DLGAP2: variants seen among roughly 807,000 people sequenced by gnomAD.
DLGAP2 encodes the protein disks large-associated protein 2.
In DLGAP2, 26 loss-of-function variants were observed where a neutral mutation model predicts 100.3. The observed-to-expected ratio is 0.26, with a 90% CI of 0.19 to 0.36. The LOEUF (loss-of-function observed/expected upper bound fraction) is 0.36, where lower values mean the gene tolerates loss of function less well. Ranked by LOEUF, DLGAP2 falls within the 10% of genes least tolerant of loss-of-function variation. The probability of loss-of-function intolerance (pLI) is 1.00; values close to 1 mark genes in which losing one functional copy is unlikely to be tolerated. For synonymous variants in DLGAP2, 886 were observed against 630.1 expected (o/e 1.41, Z -6.08); for missense variants, 1,858 against 1,453.2 (o/e 1.28, Z -4.53).
intron 3 of DLGAP2, among the ~76,000 whole-genome samples, chr8:1,449,238 C>G (rs751873657): frequency 6.6e-6 from 1 of 152,212 alleles, no homozygotes; most frequent in Non-Finnish European, 1.5e-5. Context: ...GGTTTTTACA[C>G]GTACCAATGA....
In DLGAP2 at chr8:1,316,739, G is replaced by A. The variant is rs542952403; in HGVS notation, c.106+57856G>A. Among the ~76,000 whole-genome samples, 101 of 132,946 alleles carry A rather than the reference G, an allele frequency of 7.6e-4. 3 individuals carry two copies. In the South Asian group the frequency reaches 0.025, roughly 33 times the overall value. 87.2% of individuals were successfully genotyped at this position (132,946 alleles called of 152,430 possible). A position where few individuals can be genotyped will look rare whatever the true frequency, so the allele number is the denominator to read the frequency against. On this transcript the variant is annotated intron_variant, in intron 3 of 14. Transcript: ENST00000637795. Reference sequence around the variant, plus strand: ...TAGTGGTCTACACTCGAGAAACTCGGCAGCTTTAAAAATAGAGCGTGTGCG... The same window carrying A: ...TAGTGGTCTACACTCGAGAAACTCGACAGCTTTAAAAATAGAGCGTGTGCG...
intron 1 of DLGAP2, among the ~76,000 whole-genome samples, chr8:772,881 T>C (rs1821402832): frequency 6.6e-6 from 1 of 152,160 alleles, no homozygotes; most frequent in Non-Finnish European, 1.5e-5. Flanking sequence ...TAGGCAGAGC[T>C]TCCTAATTCC....
intron 3 of DLGAP2, among the ~76,000 whole-genome samples, chr8:1,500,562 G>T (rs114048219): frequency 0.015 from 2,228 of 152,350 alleles, 25 homozygotes; most frequent in Middle Eastern, 0.024. Context: ...TTCCTGGGCA[G>T]AGCCCACTGG....
At chr8:1,590,637 A>T (rs1445836131) in intron 6 of DLGAP2, among the ~76,000 whole-genome samples, 1 of 152,250 alleles carries the variant, frequency 6.6e-6, no homozygotes, top group Non-Finnish European at 1.5e-5. Flanking sequence ...TGTGTACTCC[A>T]CACTCTCAAA....
intron 1 of DLGAP2, among the ~76,000 whole-genome samples, chr8:767,098 C>A (rs60287636): frequency 1.3e-5 from 2 of 152,050 alleles, no homozygotes; most frequent in East Asian, 1.9e-4. Context: ...GTGCCATCCC[C>A]GGGGTGCATC....
At chr8:1,556,073 A>C (rs1397770893) in intron 5 of DLGAP2, among the ~76,000 whole-genome samples, 1 of 152,236 alleles carries the variant, frequency 6.6e-6, no homozygotes, top group African/African-American at 2.4e-5. Flanking sequence ...CAGAGACCTC[A>C]TGGTGACTGG....
At chr8:1,005,276 G>A (rs1351141084) in intron 2 of DLGAP2, among the ~76,000 whole-genome samples, 1 of 152,136 alleles carries the variant, frequency 6.6e-6, no homozygotes, top group Non-Finnish European at 1.5e-5. Context: ...GAGTGAATCA[G>A]CCTTCCTGTG....
At chr8:1,493,049 CAG>C (rs923447260) in intron 3 of DLGAP2, among the ~76,000 whole-genome samples, 2 of 152,218 alleles carry the variant, frequency 1.3e-5, no homozygotes, top group Non-Finnish European at 2.9e-5. Context: ...GCAGGCTGCA[CAG>C]AGATTCAGCC....
At chr8:1,419,714 C>A (rs970515947) in intron 3 of DLGAP2, among the ~76,000 whole-genome samples, 2 of 152,114 alleles carry the variant, frequency 1.3e-5, no homozygotes, top group African/African-American at 4.8e-5. Context: ...CCAAAAGTAA[C>A]AGTTCTAGCA....
intron 5 of DLGAP2, among the ~76,000 whole-genome samples, chr8:1,562,896 A>G (rs868704268): frequency 3.0e-4 from 9 of 30,182 alleles, no homozygotes; most frequent in Non-Finnish European, 2.8e-4. Flanking sequence ...TTACTGGGGG[A>G]CTGTGTGGTG....
chr8:1,344,686 G>A (rs576081564), intron 3 of DLGAP2, among the ~76,000 whole-genome samples: 27 of 152,158 alleles, frequency 1.8e-4, no homozygotes, highest in African/African-American at 5.3e-4. Context: ...AGTCTCCCGC[G>A]CTCCTCCGTA....
rs1443412442 is a variant in DLGAP2 at position 1,708,220 on chromosome 8, G to T, written c.*6814G>T. 6.6e-6 allele frequency: 1 copy of T among 152,094 alleles called. No individual in the cohort carries two copies. Among genetic ancestry groups the T allele is most frequent in the Admixed American group, 6.5e-5 (1 of 15,272 alleles). The allele number at this position is 152,094 out of a possible 1,614,324, so 9.4% of individuals were successfully genotyped here. On this transcript the variant is annotated 3_prime_UTR_variant, in exon 15 of 15. Transcript: ENST00000637795. Reference sequence around the variant, plus strand: ...ATAGTTTGGCAATTAAATTTTTTGAGAAAAGTAATGTTTACTTTTTTATTG... The same window carrying T: ...ATAGTTTGGCAATTAAATTTTTTGATAAAAGTAATGTTTACTTTTTTATTG...
intron 2 of DLGAP2, among the ~76,000 whole-genome samples, chr8:1,144,920 C>A: frequency 6.8e-6 from 1 of 147,926 alleles, no homozygotes. Flanking sequence ...CGGCCTGTAC[C>A]CACAGTCAAA....
rs371920807 is a variant in DLGAP2 at position 1,351,283 on chromosome 8, T to C, written c.106+92400T>C. On this transcript the variant is annotated intron_variant, in intron 3 of 14. Coordinates refer to ENST00000637795, the MANE Select transcript of DLGAP2 (RefSeq NM_001346810.2). ...AACGGCCGTGCGGGTCCTGACTGTG[T>C]GTGGAAAGGCCGTGCGGGTCCTGAG... 5.0e-3 allele frequency among the ~76,000 whole-genome samples: 273 copies of C among 54,916 alleles called. 4 individuals carry two copies. Among genetic ancestry groups the C allele is most frequent in the Non-Finnish European group, 6.9e-3 (190 of 27,486 alleles). 36.0% of individuals were successfully genotyped at this position (54,916 alleles called of 152,430 possible).
chr8:1,063,892 C>A (rs1300485964), intron 2 of DLGAP2, among the ~76,000 whole-genome samples: 1 of 152,176 alleles, frequency 6.6e-6, no homozygotes, highest in African/African-American at 2.4e-5. Context: ...CAGAGCAAGT[C>A]AGTGGGACTC....
At chr8:1,566,221 C>T (rs533931122) in intron 6 of DLGAP2, among the ~76,000 whole-genome samples, 1 of 152,162 alleles carries the variant, frequency 6.6e-6, no homozygotes, top group African/African-American at 2.4e-5. Context: ...TGAATGTGTG[C>T]GTATGGGTGT....
In DLGAP2 at chr8:1,701,431, C is replaced by T. The variant is rs376975823; in HGVS notation, c.*25C>T. The stretch of plus-strand genomic sequence containing the variant: ...AGGGCGGAGGCCGGCGCCTTCCCCT[C>T]GTCGCTTCCGCTTTCCCGGACGCTT... On this transcript the variant is annotated 3_prime_UTR_variant, in exon 15 of 15. Coordinates refer to ENST00000637795, the MANE Select transcript of DLGAP2 (RefSeq NM_001346810.2). The T allele has an allele frequency of 1.6e-4, 246 of 1,554,120 alleles. No homozygotes were observed. Among genetic ancestry groups the T allele is most frequent in the Non-Finnish European group, 2.1e-4 (241 of 1,150,694 alleles).
At chr8:911,719 G>A (rs773177265) in intron 2 of DLGAP2, among the ~76,000 whole-genome samples, 12 of 144,884 alleles carry the variant, frequency 8.3e-5, no homozygotes, top group Non-Finnish European at 1.8e-4. Context: ...GGAAGGATGT[G>A]GGTATAATGT....
At chr8:1,062,044 TG>T (rs1455790235) in intron 2 of DLGAP2, among the ~76,000 whole-genome samples, 3 of 133,946 alleles carry the variant, frequency 2.2e-5, no homozygotes, top group Non-Finnish European at 5.1e-5. Flanking sequence ...GACATTTATC[TG>T]AAAAAAAAAA....
Sources: gnomAD v4.1 joint callset for allele counts (sites outside exome capture counted in the v4.1 genomes callset) on GRCh38, gnomAD v4.1.1 for gene constraint, MANE v1.5 for transcripts, NCBI Gene and HGNC (gene_info 2026-07-23, HGNC 2026-07-21) for gene names.